Variants in TBC1D5 observed in about 807,000 individuals in gnomAD.
TBC1D5 encodes the protein TBC1 domain family, member 5.
In TBC1D5, 75 loss-of-function variants were observed where a neutral mutation model predicts 100.3. That is an observed-to-expected ratio of 0.75 (90% CI 0.62 to 0.91). The LOEUF is 0.91. Among genes scored for constraint, TBC1D5 ranks in the 40% least tolerant of loss-of-function variants. The probability of loss-of-function intolerance (pLI) is 0.00; values close to 1 mark genes in which losing one functional copy is unlikely to be tolerated. For synonymous variants in TBC1D5, 323 were observed against 325.6 expected, an observed-to-expected ratio of 0.99 and a Z score of 0.09; for missense variants, 910 against 942.4, an observed-to-expected ratio of 0.97 and a Z score of 0.45.
intron 2 of TBC1D5, among the ~76,000 whole-genome samples, chr3:17,548,686 C>T (rs1037652561): frequency 3.9e-5 from 6 of 151,906 alleles, no homozygotes; most frequent in African/African-American, 1.5e-4. Flanking sequence ...TTTATTCCTC[C>T]GTGTAACAAA....
intron 2 of TBC1D5, among the ~76,000 whole-genome samples, chr3:17,539,663 C>T: frequency 6.6e-6 from 1 of 152,120 alleles, no homozygotes; most frequent in East Asian, 1.9e-4. Flanking sequence ...CCTGATCACC[C>T]CCTCCCCATC....
intron 3 of TBC1D5, among the ~76,000 whole-genome samples, chr3:17,447,651 A>G (rs1325336824): frequency 1.3e-5 from 2 of 152,230 alleles, no homozygotes; most frequent in Non-Finnish European, 2.9e-5. Context: ...ATACCTGAGA[A>G]GAGAGGGAAA....
intron 1 of TBC1D5, among the ~76,000 whole-genome samples, chr3:17,637,970 A>G (rs2153690811): frequency 6.6e-6 from 1 of 152,338 alleles, no homozygotes; most frequent in East Asian, 1.9e-4. Flanking sequence ...CTATTAGGAA[A>G]TTAATTAAGC....
chr3:17,191,647 C>T (rs534547333), intron 18 of TBC1D5, among the ~76,000 whole-genome samples: 55 of 152,168 alleles, frequency 3.6e-4, no homozygotes, highest in Middle Eastern at 3.4e-3. Flanking sequence ...GACAGAGTCT[C>T]GCTCTGTTGC....
At chr3:17,602,634 G>A (rs1049471261) in intron 2 of TBC1D5, among the ~76,000 whole-genome samples, 3 of 136,922 alleles carry the variant, frequency 2.2e-5, no homozygotes, top group East Asian at 2.2e-4. Flanking sequence ...GTGCAGTGGC[G>A]CAATCTCGGC....
At chr3:17,633,157 C>G (rs1016672908) in intron 1 of TBC1D5, among the ~76,000 whole-genome samples, 1 of 152,202 alleles carries the variant, frequency 6.6e-6, no homozygotes, top group Non-Finnish European at 1.5e-5. Context: ...ACTCATCCGG[C>G]CGTGCACGGT....
At chr3:17,713,806 G>C (rs1347151361) in intron 1 of TBC1D5, among the ~76,000 whole-genome samples, 2 of 152,138 alleles carry the variant, frequency 1.3e-5, no homozygotes, top group Non-Finnish European at 2.9e-5. Flanking sequence ...AGTCATCATG[G>C]AAATGCAAAT....
At chr3:17,668,546 T>A (rs2067542999) in intron 1 of TBC1D5, among the ~76,000 whole-genome samples, 1 of 152,146 alleles carries the variant, frequency 6.6e-6, no homozygotes, top group Non-Finnish European at 1.5e-5. Context: ...ATTTTACTAA[T>A]ATAATCTATT....
At chr3:17,515,699 C>T (rs1197441914) in intron 2 of TBC1D5, among the ~76,000 whole-genome samples, 3 of 152,102 alleles carry the variant, frequency 2.0e-5, no homozygotes, top group South Asian at 4.1e-4. Flanking sequence ...TTACTTTTCT[C>T]GCATGCAAGC....
intron 3 of TBC1D5, among the ~76,000 whole-genome samples, chr3:17,467,114 CATAATT>C (rs1324808160): frequency 1.3e-5 from 2 of 151,894 alleles, no homozygotes; most frequent in East Asian, 3.9e-4. Flanking sequence ...CAATATTTTT[CATAATT>C]ATAAATGTTT....
At chr3:17,457,311 C>A (rs1018662283) in intron 3 of TBC1D5, among the ~76,000 whole-genome samples, 29 of 151,886 alleles carry the variant, frequency 1.9e-4, no homozygotes, top group African/African-American at 6.5e-4. Flanking sequence ...TCCAAGACTC[C>A]AATTACATGT....
At chr3:17,411,966 CTTTCA>C (rs1371130827) in intron 4 of TBC1D5, among the ~76,000 whole-genome samples, 2 of 152,156 alleles carry the variant, frequency 1.3e-5, no homozygotes, top group Non-Finnish European at 2.9e-5. Context: ...TATTAATTGT[CTTTCA>C]TTTCTATTGA....
intron 3 of TBC1D5, among the ~76,000 whole-genome samples, chr3:17,482,399 T>A (rs925465858): frequency 6.6e-6 from 1 of 152,224 alleles, no homozygotes; most frequent in Non-Finnish European, 1.5e-5. Flanking sequence ...CTTTTGTGTA[T>A]GCAATTTATC....
intron 1 of TBC1D5, among the ~76,000 whole-genome samples, chr3:17,728,241 C>T (rs916137510): frequency 6.6e-6 from 1 of 152,082 alleles, no homozygotes; most frequent in African/African-American, 2.4e-5. Flanking sequence ...GCTGCCATCA[C>T]TATTAATTAA....
At chr3:17,654,739 C>T (rs1426909394) in intron 1 of TBC1D5, among the ~76,000 whole-genome samples, 1 of 152,068 alleles carries the variant, frequency 6.6e-6, no homozygotes, top group Non-Finnish European at 1.5e-5. Flanking sequence ...GGAATGGTAC[C>T]AGTTCCTCCT....
At chr3:17,225,300 A>G (rs2074738370) in intron 17 of TBC1D5, among the ~76,000 whole-genome samples, 6 of 151,874 alleles carry the variant, frequency 4.0e-5, no homozygotes, top group Admixed American at 3.9e-4. Flanking sequence ...TTAGCTGGGC[A>G]TGGTGGCGCA....
intron 9 of TBC1D5, among the ~76,000 whole-genome samples, chr3:17,380,054 T>TGC (rs2092881419): frequency 7.8e-6 from 1 of 127,444 alleles, no homozygotes; most frequent in Non-Finnish European, 1.6e-5. Flanking sequence ...TATGTGTGTG[T>TGC]GTGTGTGTGT....
At chr3:17,299,186 C>T (rs1477889341) in intron 14 of TBC1D5, among the ~76,000 whole-genome samples, 1 of 152,126 alleles carries the variant, frequency 6.6e-6, no homozygotes. Flanking sequence ...ATCAAGATTG[C>T]TATTAAGTGG....
intron 3 of TBC1D5, among the ~76,000 whole-genome samples, chr3:17,446,313 G>T (rs1367646176): frequency 6.6e-6 from 1 of 152,096 alleles, no homozygotes; most frequent in Admixed American, 6.5e-5. Flanking sequence ...TAGCTTTAAG[G>T]TTGCAATGGT....
Sources: allele counts gnomAD v4.1 joint callset (sites outside exome capture counted in the v4.1 genomes callset), GRCh38; gene constraint gnomAD v4.1.1; transcripts MANE v1.5; gene names NCBI Gene and HGNC (gene_info 2026-07-23, HGNC 2026-07-21).